The following SLC17A8 variants were observed in gnomAD, a reference collection of about 807,000 sequenced individuals.
SLC17A8 encodes solute carrier family 17 member 8.
In SLC17A8, 31 loss-of-function variants were observed where a neutral mutation model predicts 58.0. The observed-to-expected ratio is 0.53, with a 90% CI of 0.40 to 0.72. The LOEUF is 0.72. Among genes scored for constraint, SLC17A8 ranks in the 30% least tolerant of loss-of-function variants. The pLI, the probability that SLC17A8 is intolerant of heterozygous loss-of-function variation, is 0.00. For synonymous variants in SLC17A8, 228 were observed against 249.0 expected (o/e 0.92, Z 0.79); for missense variants, 655 against 727.8 (o/e 0.90, Z 1.15).
rs776055840 is a variant in SLC17A8 at position 100,418,042 on chromosome 12, C to T, written c.1311C>T (p.Asn437=). Residue 437 remains asparagine (N), a synonymous_variant, in exon 11 of 12, where the codon AAC becomes AAT. Coordinates refer to ENST00000323346, the MANE Select transcript of SLC17A8 (RefSeq NM_139319.3). ...SGFAISGFNV[N]HLDIAPRYAS... is the part of the protein sequence containing the mutation. ...GCTTCACTGTAGGTTTTAATGTCAA[C>T]CACCTGGACATTGCCCCACGCTATG... The T allele has an allele frequency of 6.2e-7, 1 of 1,614,214 alleles. No individual in the cohort carries two copies. The highest frequency in any genetic ancestry group is 1.1e-5 in the South Asian group (1 of 91,076).
At chr12:100,412,954 A>G in intron 10 of SLC17A8, 74 bp downstream of exon 10, 1 of 1,175,652 alleles carries the variant, frequency 8.5e-7, no homozygotes. Context: ...GGACAAGGAT[A>G]TTGTAGCACC....
intron 8 of SLC17A8, among the ~76,000 whole-genome samples, chr12:100,403,467 T>TA (rs973008024): frequency 1.3e-3 from 174 of 130,768 alleles, no homozygotes; most frequent in African/African-American, 1.4e-3. Context: ...AGACTCTGTC[T>TA]AAAAAAAAAA....
intron 10 of SLC17A8, among the ~76,000 whole-genome samples, chr12:100,414,439 ATT>A (rs1952892243): frequency 6.6e-6 from 1 of 152,194 alleles, no homozygotes; most frequent in Non-Finnish European, 1.5e-5. Flanking sequence ...CCTCTTTACT[ATT>A]TACTATTTAT....
chr12:100,412,976 G>A, intron 10 of SLC17A8, 96 bp downstream of exon 10: 1 of 956,546 alleles, frequency 1.0e-6, no homozygotes, highest in Non-Finnish European at 1.7e-6. Flanking sequence ...TCTTTCAGTA[G>A]CCAGTCCATT....
chr12:100,394,200 A>T (rs1592999589), intron 4 of SLC17A8, among the ~76,000 whole-genome samples: 1 of 152,148 alleles, frequency 6.6e-6, no homozygotes, highest in African/African-American at 2.4e-5. Context: ...AACCCTCGAT[A>T]TACAGCAATG....
chr12:100,411,300 G>T (rs1952865781), intron 9 of SLC17A8, among the ~76,000 whole-genome samples: 1 of 152,074 alleles, frequency 6.6e-6, no homozygotes, highest in South Asian at 2.1e-4. Context: ...GGCCAACATG[G>T]TGAAACCCCA....
At chr12:100,400,511 T>C (rs934720820) in intron 5 of SLC17A8, among the ~76,000 whole-genome samples, 4 of 152,178 alleles carry the variant, frequency 2.6e-5, no homozygotes, top group African/African-American at 9.7e-5. Context: ...TCGGGTGTCA[T>C]GATGTTCAGA....
At chr12:100,415,599 T>C (rs1188420540) in intron 10 of SLC17A8, among the ~76,000 whole-genome samples, 1 of 151,940 alleles carries the variant, frequency 6.6e-6, no homozygotes, top group Non-Finnish European at 1.5e-5. Context: ...CTTCCAGATA[T>C]ATATATATTT....
In SLC17A8 at chr12:100,375,063, C is replaced by T. The variant is rs547434566; in HGVS notation, c.102-5638C>T. Among the ~76,000 whole-genome samples the T allele has an allele frequency of 1.1e-4, 16 of 151,356 alleles. No homozygotes were observed. In the Admixed American group the frequency reaches 1.1e-3, roughly 10 times the overall value. ...GAAAGTCTCGGGATGTCTAAGATGA[C>T]ACTGTGCACACAGAGGGTGCTTGTG... On this transcript the variant is annotated intron_variant, in intron 1 of 11. Transcript: ENST00000323346.
rs913600893 is a variant in SLC17A8 at position 100,395,982 on chromosome 12, T to TG, written c.589-345dup. On this transcript the variant is annotated intron_variant, in intron 4 of 11. Coordinates refer to ENST00000323346, the MANE Select transcript of SLC17A8 (RefSeq NM_139319.3). Reference sequence around the variant, plus strand: ...TCAAGGTGCTGGCAGATCGGTGACTTGGGAGAGCTAGCTTCCTGGTTCATA... The same window carrying TG: ...TCAAGGTGCTGGCAGATCGGTGACTTGGGGAGAGCTAGCTTCCTGGTTCATA... 2.6e-5 allele frequency among the ~76,000 whole-genome samples: 4 copies of TG among 152,320 alleles called. No homozygotes were observed. The South Asian group carries it at 6.2e-4, about 24-fold the overall frequency.
chr12:100,421,564 G>A lies in SLC17A8; in HGVS notation c.*1405G>A, dbSNP rs1279711874. ...TATTTGAAAATAAAATTATTTTCCT[G>A]TTCATTGATTTTAAACATTTTATTC... On this transcript the variant is annotated 3_prime_UTR_variant, in exon 12 of 12. Coordinates refer to ENST00000323346, the MANE Select transcript of SLC17A8 (RefSeq NM_139319.3). 6.7e-6 allele frequency: 1 copy of A among 149,064 alleles called. No homozygotes were observed. The highest frequency in any genetic ancestry group is 1.5e-5 in the Non-Finnish European group (1 of 67,632). 9.2% of individuals were successfully genotyped at this position (149,064 alleles called of 1,614,324 possible).
intron 8 of SLC17A8, 66 bp from the exon 9 acceptor site, chr12:100,403,972 A>G: frequency 1.3e-6 from 2 of 1,596,202 alleles, no homozygotes; most frequent in Non-Finnish European, 1.7e-6. Context: ...GAGGTGGGCA[A>G]GGGAATTAGG....
chr12:100,383,570 A>G (rs1207844333), intron 2 of SLC17A8, among the ~76,000 whole-genome samples: 1 of 152,248 alleles, frequency 6.6e-6, no homozygotes, highest in Non-Finnish European at 1.5e-5. Flanking sequence ...GGGAAAAACT[A>G]GATATTTGGC....
At chr12:100,386,846 G>A (rs747416947) in intron 2 of SLC17A8, among the ~76,000 whole-genome samples, 11 of 152,006 alleles carry the variant, frequency 7.2e-5, no homozygotes, top group Non-Finnish European at 1.5e-4. Context: ...GTGCCACCAT[G>A]CCAGGCTAAT....
At chr12:100,408,175 C>T (rs911663984) in intron 9 of SLC17A8, among the ~76,000 whole-genome samples, 4 of 152,150 alleles carry the variant, frequency 2.6e-5, no homozygotes, top group African/African-American at 7.2e-5. Context: ...TGAGAAGGAT[C>T]ACACATATCT....
chr12:100,380,828 A>G lies in SLC17A8; in HGVS notation c.229A>G (p.Ile77Val), dbSNP rs775999067. 6.2e-7 allele frequency: 1 copy of G among 1,614,062 alleles called. No homozygotes were observed. Among genetic ancestry groups the G allele is most frequent in the South Asian group, 1.1e-5 (1 of 91,070 alleles). ...CHCCGLPKRY[I>V]IAIMSGLGFC... The stretch of plus-strand genomic sequence containing the variant: ...CTGCTGCGGCCTCCCCAAGCGTTAC[A>G]TCATTGCTATCATGAGTGGGCTGGG... Residue 77 changes from isoleucine to valine, a missense_variant, in exon 2 of 12, where the codon ATC becomes GTC. Transcript: ENST00000323346.
intron 1 of SLC17A8, among the ~76,000 whole-genome samples, chr12:100,357,722 T>C (rs1225471657): frequency 6.6e-6 from 1 of 152,228 alleles, no homozygotes; most frequent in Non-Finnish European, 1.5e-5. Context: ...ATGCTGTTTA[T>C]ATAGCTGGAT....
intron 10 of SLC17A8, among the ~76,000 whole-genome samples, chr12:100,415,211 A>G (rs531576470): frequency 8.2e-4 from 125 of 152,048 alleles, no homozygotes; most frequent in African/African-American, 2.9e-3. Flanking sequence ...CATGACTATA[A>G]TCCCAGCACT....
At chr12:100,381,037 T>C in intron 2 of SLC17A8, 84 bp downstream of exon 2, 1 of 1,551,208 alleles carries the variant, frequency 6.4e-7, no homozygotes, top group Non-Finnish European at 8.9e-7. Flanking sequence ...AGTGGCACGA[T>C]CTTGGCTTAC....
Sources: allele counts gnomAD v4.1 joint callset (sites outside exome capture counted in the v4.1 genomes callset), GRCh38; gene constraint gnomAD v4.1.1; transcripts MANE v1.5; gene names NCBI Gene and HGNC (gene_info 2026-07-23, HGNC 2026-07-21).